Variants in FIP1L1 observed in about 807,000 individuals in gnomAD.
FIP1L1 encodes the protein pre-mRNA 3'-end-processing factor FIP1.
FIP1L1 carries 21 observed loss-of-function variants against 84.6 expected under a neutral mutation model. The observed-to-expected ratio is 0.25, with a 90% CI of 0.18 to 0.36. The LOEUF (loss-of-function observed/expected upper bound fraction) is 0.36, where lower values mean the gene tolerates loss of function less well. FIP1L1 is among the 10% of genes least tolerant of loss of function. The pLI, the probability that FIP1L1 is intolerant of heterozygous loss-of-function variation, is 1.00. For missense variants in FIP1L1, 526 were observed against 751.1 expected (o/e 0.70, Z 3.50); for synonymous variants, 263 against 242.3 (o/e 1.09, Z -0.80).
At chr4:53,389,694 C>G in intron 5 of FIP1L1, 115 bp from the exon 6 acceptor site, 3 of 729,996 alleles carry the variant, frequency 4.1e-6, no homozygotes, top group Non-Finnish European at 6.8e-6. Flanking sequence ...AAATGTGTGT[C>G]ACACTATCCA....
intron 6 of FIP1L1, 36 bp downstream of exon 6, chr4:53,389,909 AT>A: frequency 6.7e-7 from 1 of 1,485,960 alleles, no homozygotes; most frequent in East Asian, 2.3e-5. Context: ...CAATAGGGAA[AT>A]AAGGCACATA....
intron 3 of FIP1L1, among the ~76,000 whole-genome samples, chr4:53,380,003 G>A (rs1736943762): frequency 6.6e-6 from 1 of 152,182 alleles, no homozygotes; most frequent in Non-Finnish European, 1.5e-5. Context: ...GATAAAACAG[G>A]TGTTAGTGAG....
chr4:53,400,152 C>T (rs1210507124), intron 10 of FIP1L1, among the ~76,000 whole-genome samples: 1 of 152,122 alleles, frequency 6.6e-6, no homozygotes, highest in East Asian at 1.9e-4. Context: ...TTTGCTGTTT[C>T]CTGTGCTCCC....
chr4:53,386,546 T>G (rs1428725633), intron 5 of FIP1L1, among the ~76,000 whole-genome samples: 2 of 152,190 alleles, frequency 1.3e-5, no homozygotes, highest in Non-Finnish European at 2.9e-5. Context: ...AGAGGAGAGT[T>G]GCTAAAAGCC....
Position 53,421,270 on chromosome 4 carries a change from A to T in FIP1L1, c.924-4602A>T, listed in dbSNP as rs569821906. 2.6e-5 allele frequency among the ~76,000 whole-genome samples: 4 copies of T among 152,334 alleles called. No individual in the cohort carries two copies. In the South Asian group the frequency reaches 8.3e-4, roughly 32 times the overall value. ...TCTTTATGTGCTTCTCATTTAATTT[A>T]CATTTTCTGCCTCTTTGAATGTCTT... On this transcript the variant is annotated intron_variant, in intron 11 of 17. Coordinates refer to ENST00000337488, the MANE Select transcript of FIP1L1 (RefSeq NM_030917.4).
chr4:53,452,771 C>T (rs1413416853), intron 15 of FIP1L1, 149 bp from the exon 16 acceptor site: 27 of 606,092 alleles, frequency 4.5e-5, no homozygotes, highest in Non-Finnish European at 7.2e-5. Flanking sequence ...TGGATCTTCC[C>T]GATACTGTGG....
chr4:53,403,817 T>A (rs1751575904), intron 10 of FIP1L1, among the ~76,000 whole-genome samples: 1 of 152,090 alleles, frequency 6.6e-6, no homozygotes, highest in African/African-American at 2.4e-5. Context: ...ATCTCATCGA[T>A]TTGCTGAGCA....
At chr4:53,431,806 T>C (rs1373154369) in intron 13 of FIP1L1, among the ~76,000 whole-genome samples, 1 of 152,238 alleles carries the variant, frequency 6.6e-6, no homozygotes, top group Non-Finnish European at 1.5e-5. Context: ...GTAGATAAGT[T>C]ACTGTTTAAC....
chr4:53,433,947 C>T (rs977777782), intron 13 of FIP1L1, among the ~76,000 whole-genome samples: 1 of 146,500 alleles, frequency 6.8e-6, no homozygotes, highest in African/African-American at 2.5e-5. Flanking sequence ...ATATAGGAAT[C>T]GGGTCAGGGG....
intron 13 of FIP1L1, among the ~76,000 whole-genome samples, chr4:53,429,065 G>A (rs62325221): frequency 0.1 from 15,353 of 152,148 alleles, 973 homozygotes; most frequent in East Asian, 0.16. Context: ...GTTGTGATCC[G>A]AGTACAGAAC....
At position 53,391,485 on chromosome 4, in the gene FIP1L1, T is replaced by C; in HGVS notation, c.692T>C (p.Phe231Ser). Residue 231 changes from phenylalanine to serine, a missense_variant, in exon 9 of 18, where the codon TTC becomes TCC. Transcript: ENST00000337488. ...TPGAEIQDGR[F>S]NLFKVQQGRT... ...GGTGCAGAGATCCAAGATGGCAGATTCAATCTTTTTAAGGTGAATTTTAGT... is the reference window on the plus strand; with the variant it reads ...GGTGCAGAGATCCAAGATGGCAGATCCAATCTTTTTAAGGTGAATTTTAGT... 1 of 1,612,768 alleles carries C rather than the reference T, an allele frequency of 6.2e-7. No individual in the cohort carries two copies. The highest frequency in any genetic ancestry group is 2.2e-5 in the East Asian group (1 of 44,828).
chr4:53,382,369 C>T (rs764724738), intron 4 of FIP1L1, 34 bp downstream of exon 4: 6 of 1,543,356 alleles, frequency 3.9e-6, no homozygotes, highest in Non-Finnish European at 5.4e-6. Context: ...GTTACTGATA[C>T]AAATCTTTAT....
intron 10 of FIP1L1, among the ~76,000 whole-genome samples, chr4:53,407,825 T>C (rs1754571604): frequency 6.6e-6 from 1 of 152,170 alleles, no homozygotes; most frequent in Non-Finnish European, 1.5e-5. Flanking sequence ...ACCCCTGCCT[T>C]TTTTTGTTTT....
At position 53,460,781 on chromosome 4, in the gene FIP1L1, A is replaced by G; in HGVS notation, c.*1332A>G. 2 of 999,766 alleles carry G rather than the reference A, an allele frequency of 2.0e-6. No homozygotes were observed. The highest frequency in any genetic ancestry group is 2.9e-6 in the Non-Finnish European group (2 of 684,458). The allele number at this position is 999,766 out of a possible 1,614,324, so 61.9% of individuals were successfully genotyped here. On this transcript the variant is annotated 3_prime_UTR_variant, in exon 18 of 18. Transcript: ENST00000337488. ...TGTAACTGGCTTTCATTAGATGATC[A>G]TACTTTTCCTGACATTTTTACAATG...
chr4:53,444,169 G>A (rs1773202277), intron 15 of FIP1L1, 66 bp downstream of exon 15: 6 of 1,079,154 alleles, frequency 5.6e-6, no homozygotes, highest in Admixed American at 2.0e-5. Context: ...TATTTTTAAA[G>A]CAATAAAAAC....
chr4:53,383,534 C>CACCTGTAATCCTAGCTACTCTAG (rs1297323779), intron 4 of FIP1L1, among the ~76,000 whole-genome samples: 2 of 152,016 alleles, frequency 1.3e-5, no homozygotes, highest in Non-Finnish European at 2.9e-5. Flanking sequence ...TGGTGGCGGG[C>CACCTGTAATCCTAGCTACTCTAG]ACCTGTAATC....
intron 10 of FIP1L1, among the ~76,000 whole-genome samples, chr4:53,407,320 C>G (rs530035934): frequency 1.7e-4 from 26 of 152,130 alleles, no homozygotes; most frequent in Non-Finnish European, 3.2e-4. Flanking sequence ...TTGAGCGGTT[C>G]TGAGTGAGTT....
Position 53,390,551 on chromosome 4 carries a change from C to T in FIP1L1, c.428C>T (p.Ala143Val), listed in dbSNP as rs536447705. The T allele has an allele frequency of 6.8e-6, 11 of 1,612,804 alleles. No homozygotes were observed. The highest frequency in any genetic ancestry group is 8.5e-6 in the Non-Finnish European group (10 of 1,179,058). ...AAAGTCAAAGGAGTAGACCTTGATGCACCTGGAAGCATTAATGGAGTTCCA... is the reference window on the plus strand; with the variant it reads ...AAAGTCAAAGGAGTAGACCTTGATGTACCTGGAAGCATTAATGGAGTTCCA... ...GTKVKGVDLD[A>V]PGSINGVPLL... The change falls in exon 7 of 18, where the codon GCA becomes GTA. Residue 143 changes from alanine to valine, a missense_variant. By Grantham distance (64) the Ala-to-Val change is moderately conservative. Coordinates refer to ENST00000337488, the MANE Select transcript of FIP1L1 (RefSeq NM_030917.4).
At chr4:53,397,188 T>C (rs747997133) in intron 9 of FIP1L1, among the ~76,000 whole-genome samples, 16 of 152,358 alleles carry the variant, frequency 1.1e-4, no homozygotes, top group Non-Finnish European at 2.1e-4. Flanking sequence ...GAAAATCCGA[T>C]GACACTAATA....
Sources: gnomAD v4.1 joint callset for allele counts (sites outside exome capture counted in the v4.1 genomes callset) on GRCh38, gnomAD v4.1.1 for gene constraint, MANE v1.5 for transcripts, NCBI Gene and HGNC (gene_info 2026-07-23, HGNC 2026-07-21) for gene names.